Variants in SGCZ observed in about 807,000 individuals in gnomAD.
The protein encoded by SGCZ is zeta-sarcoglycan.
A neutral mutation model predicts 41.3 loss-of-function variants in SGCZ; 40 were observed. That is an observed-to-expected ratio of 0.97 (90% CI 0.75 to 1.26). The LOEUF is 1.26. Ranked by LOEUF, SGCZ falls within the 50% of genes most tolerant of loss-of-function variation. SGCZ has a pLI of 0.00. For missense variants in SGCZ, 552 were observed against 369.8 expected, an observed-to-expected ratio of 1.49 and a Z score of -4.04; for synonymous variants, 206 against 137.5, an observed-to-expected ratio of 1.50 and a Z score of -3.49.
intron 1 of SGCZ, among the ~76,000 whole-genome samples, chr8:14,669,690 G>GTA (rs1182600670): frequency 8.8e-5 from 6 of 68,514 alleles, no homozygotes; most frequent in African/African-American, 2.7e-4. Context: ...TCCATTTTGT[G>GTA]TATACACACA....
intron 2 of SGCZ, chr8:14,332,797 T>G (rs141251364): frequency 1.4e-4 from 21 of 151,472 alleles, no homozygotes; most frequent in African/African-American, 4.6e-4. Flanking sequence ...CAATAGAGTA[T>G]AGAGTATGTA....
At chr8:14,441,315 G>A (rs923547915) in intron 2 of SGCZ, among the ~76,000 whole-genome samples, 11 of 152,100 alleles carry the variant, frequency 7.2e-5, no homozygotes, top group African/African-American at 1.9e-4. Context: ...AGTGGCTCAC[G>A]CCCGTAATCC....
intron 1 of SGCZ, among the ~76,000 whole-genome samples, chr8:14,823,074 A>AAAAAAAAAAAAAAAAAAAC (rs1802169352): frequency 6.7e-6 from 1 of 150,352 alleles, no homozygotes; most frequent in Non-Finnish European, 1.5e-5. Context: ...AAAAAAAAAA[A>AAAAAAAAAAAAAAAAAAAC]AAAGACTTCT....
intron 1 of SGCZ, among the ~76,000 whole-genome samples, chr8:15,031,063 T>TCG: frequency 6.6e-6 from 1 of 152,116 alleles, no homozygotes; most frequent in Admixed American, 6.5e-5. Flanking sequence ...AAATCATATT[T>TCG]CGCGTGTGTG....
At chr8:14,177,675 A>ATTTTTTTTTTTT (rs1193141913) in intron 4 of SGCZ, among the ~76,000 whole-genome samples, 77 of 111,302 alleles carry the variant, frequency 6.9e-4, no homozygotes, top group Non-Finnish European at 1.1e-3. Context: ...ACGCCCTGCT[A>ATTTTTTTTTTTT]TTTTTTTTTT....
chr8:15,207,195 C>T (rs951055568), intron 1 of SGCZ, among the ~76,000 whole-genome samples: 11 of 152,104 alleles, frequency 7.2e-5, no homozygotes, highest in African/African-American at 2.4e-4. Flanking sequence ...TTTCCAGACA[C>T]ACCAAGTTTG....
intron 3 of SGCZ, among the ~76,000 whole-genome samples, chr8:14,248,365 T>C (rs1799177856): frequency 6.6e-6 from 1 of 152,212 alleles, no homozygotes; most frequent in Admixed American, 6.5e-5. Context: ...ATGACGATGC[T>C]AATGATGATA....
chr8:14,479,574 A>C (rs893473285), intron 2 of SGCZ, among the ~76,000 whole-genome samples: 2 of 152,094 alleles, frequency 1.3e-5, no homozygotes, highest in African/African-American at 4.8e-5. Context: ...ATCTATTTAG[A>C]GCTATCATCC....
chr8:14,300,061 T>C (rs1801134606), intron 3 of SGCZ, among the ~76,000 whole-genome samples: 1 of 151,960 alleles, frequency 6.6e-6, no homozygotes. Context: ...AGTGTTTGAA[T>C]TGTAATTGCT....
rs530938666 is a variant in SGCZ, at chr8:14,964,316, TC to T, written c.39+273268del. 4.1e-3 allele frequency among the ~76,000 whole-genome samples: 619 copies of T among 152,332 alleles called. 4 individuals carry two copies. The highest frequency in any genetic ancestry group is 6.8e-3 in the Non-Finnish European group (462 of 68,026). On this transcript the variant is annotated intron_variant, in intron 1 of 7. Transcript: ENST00000382080. Reference sequence around the variant, plus strand: ...CAAGACATGTAAACAAGATAGAGCCTCCGCATACAAATTTGACTATTCCTCA... The same window carrying T: ...CAAGACATGTAAACAAGATAGAGCCTCGCATACAAATTTGACTATTCCTCA...
chr8:15,075,103 A>C (rs907811571), intron 1 of SGCZ, among the ~76,000 whole-genome samples: 1 of 151,654 alleles, frequency 6.6e-6, no homozygotes, highest in Non-Finnish European at 1.5e-5. Flanking sequence ...CTTGAAATTA[A>C]ATTTCACAGT....
intron 4 of SGCZ, among the ~76,000 whole-genome samples, chr8:14,204,892 C>G (rs1029074666): frequency 6.6e-6 from 1 of 152,078 alleles, no homozygotes; most frequent in Non-Finnish European, 1.5e-5. Context: ...GGTTCTGAGG[C>G]CTTCAGACTT....
intron 3 of SGCZ, among the ~76,000 whole-genome samples, chr8:14,301,311 T>C (rs1801178573): frequency 1.3e-5 from 2 of 151,886 alleles, no homozygotes; most frequent in South Asian, 4.1e-4. Flanking sequence ...TGTTTTCTGA[T>C]AAAAGTATAG....
intron 1 of SGCZ, among the ~76,000 whole-genome samples, chr8:15,118,058 G>T (rs1472378602): frequency 2.6e-5 from 4 of 152,178 alleles, no homozygotes; most frequent in Non-Finnish European, 4.4e-5. Context: ...TCGTCTTCTT[G>T]CTTCAGTAGA....
intron 3 of SGCZ, among the ~76,000 whole-genome samples, chr8:14,317,426 T>C (rs1253011230): frequency 6.6e-6 from 1 of 151,946 alleles, no homozygotes; most frequent in African/African-American, 2.4e-5. Context: ...TTAGCTATTA[T>C]TAAAAATCAT....
chr8:14,534,605 G>A (rs1293867422), intron 2 of SGCZ, among the ~76,000 whole-genome samples: 1 of 151,914 alleles, frequency 6.6e-6, no homozygotes, highest in African/African-American at 2.4e-5. Flanking sequence ...AGACCGTTGA[G>A]CAAATAGCTA....
intron 2 of SGCZ, among the ~76,000 whole-genome samples, chr8:14,455,765 G>T (rs909763937): frequency 2.0e-5 from 3 of 152,192 alleles, no homozygotes; most frequent in Non-Finnish European, 4.4e-5. Context: ...GTTCTTGGCA[G>T]TGTTAAACAA....
intron 1 of SGCZ, among the ~76,000 whole-genome samples, chr8:14,946,080 C>G (rs1233890681): frequency 5.4e-5 from 6 of 111,892 alleles, no homozygotes; most frequent in Admixed American, 1.1e-4. Context: ...ACTATTGGTT[C>G]TGTCCTATAG....
intron 4 of SGCZ, among the ~76,000 whole-genome samples, chr8:14,183,223 A>T (rs1021946576): frequency 6.6e-6 from 1 of 152,082 alleles, no homozygotes; most frequent in East Asian, 1.9e-4. Flanking sequence ...CTTAATCAGA[A>T]ATAGAAAACC....
Sources: gnomAD v4.1 joint callset for allele counts (sites outside exome capture counted in the v4.1 genomes callset) on GRCh38, gnomAD v4.1.1 for gene constraint, MANE v1.5 for transcripts, NCBI Gene and HGNC (gene_info 2026-07-23, HGNC 2026-07-21) for gene names.